DOCK2: variants seen among roughly 807,000 people sequenced by gnomAD.
DOCK2 encodes the protein dedicator of cytokinesis protein 2.
A neutral mutation model predicts 248.9 loss-of-function variants in DOCK2; 87 were observed. The observed-to-expected ratio is 0.35, with a 90% CI of 0.29 to 0.42. The LOEUF (loss-of-function observed/expected upper bound fraction) is 0.42, where lower values mean the gene tolerates loss of function less well. DOCK2 is among the 10% of genes least tolerant of loss of function. The probability of loss-of-function intolerance (pLI) is 1.00; values close to 1 mark genes in which losing one functional copy is unlikely to be tolerated. For missense variants in DOCK2, 1,747 were observed against 2,300.2 expected (o/e 0.76, Z 4.92); for synonymous variants, 805 against 821.6 (o/e 0.98, Z 0.35).
chr5:169,700,957 G>GAAAT (rs1322802096), intron 13 of DOCK2, among the ~76,000 whole-genome samples: 1 of 151,628 alleles, frequency 6.6e-6, no homozygotes, highest in Admixed American at 6.6e-5. Context: ...AAGAAAGAAA[G>GAAAT]AAAGAAAGAG....
chr5:170,080,225 C>A lies in DOCK2; in HGVS notation c.5229C>A (p.Leu1743=), dbSNP rs1581581232. The A allele has an allele frequency of 1.2e-6, 2 of 1,614,146 alleles. No homozygotes were observed. The highest frequency in any genetic ancestry group is 2.7e-5 in the African/African-American group (2 of 75,028). The change falls in exon 50 of 52, where the codon CTC becomes CTA. Residue 1743 remains leucine (L), a synonymous_variant. Coordinates refer to ENST00000520908, the MANE Select transcript of DOCK2 (RefSeq NM_004946.3). ...TNLSEHAAIP[L]KASVLSQMSF... ...TCTCGGAGCATGCGGCCATCCCCCT[C>A]AAGGCGTCTGTCCTCTCTCAAATGA...
chr5:169,955,763 G>C (rs1162785302), intron 27 of DOCK2, among the ~76,000 whole-genome samples: 2 of 152,144 alleles, frequency 1.3e-5, no homozygotes, highest in Admixed American at 6.5e-5. Flanking sequence ...TGGGCACTAA[G>C]AAATCCTGCC....
intron 25 of DOCK2, among the ~76,000 whole-genome samples, chr5:169,795,631 T>C (rs552860793): frequency 6.6e-6 from 1 of 152,332 alleles, no homozygotes; most frequent in East Asian, 1.9e-4. Context: ...CGTGATATGC[T>C]GGCTGGAGGA....
chr5:169,978,100 T>A (rs1777781470), intron 27 of DOCK2, among the ~76,000 whole-genome samples: 1 of 152,092 alleles, frequency 6.6e-6, no homozygotes. Context: ...TTTATTTTAT[T>A]TTGGTCGTGC....
At chr5:169,885,742 C>T (rs535976820) in intron 27 of DOCK2, among the ~76,000 whole-genome samples, 1 of 152,216 alleles carries the variant, frequency 6.6e-6, no homozygotes, top group South Asian at 2.1e-4. Context: ...TAATCACAAA[C>T]TACTCTATAA....
intron 41 of DOCK2, among the ~76,000 whole-genome samples, chr5:170,051,743 C>G (rs1256529046): frequency 6.6e-6 from 1 of 151,914 alleles, no homozygotes; most frequent in African/African-American, 2.4e-5. Context: ...GTGCCTGGTA[C>G]AAAGTGACTC....
intron 26 of DOCK2, among the ~76,000 whole-genome samples, chr5:169,835,759 A>T (rs1769537157): frequency 6.8e-6 from 1 of 146,158 alleles, no homozygotes; most frequent in South Asian, 2.2e-4. Flanking sequence ...GGGGGTTTGG[A>T]TTTTTTTTTT....
chr5:169,662,235 A>G (rs757997677), intron 2 of DOCK2, among the ~76,000 whole-genome samples: 5 of 152,194 alleles, frequency 3.3e-5, no homozygotes, highest in Admixed American at 1.3e-4. Flanking sequence ...CTTTCCATGT[A>G]TCTGTTGGCC....
chr5:169,883,673 G>A lies in DOCK2; in HGVS notation c.2799+42821G>A, dbSNP rs1012660943. Reference sequence around the variant, plus strand: ...GGGAAGGAGAGCGAGTAGGTGGGGGGAAGATGGTGCCTGGTTGCTTGAGTC... The same window carrying A: ...GGGAAGGAGAGCGAGTAGGTGGGGGAAAGATGGTGCCTGGTTGCTTGAGTC... On this transcript the variant is annotated intron_variant, in intron 27 of 51. Coordinates refer to ENST00000520908, the MANE Select transcript of DOCK2 (RefSeq NM_004946.3). 79 of 1,551,014 alleles carry A rather than the reference G, an allele frequency of 5.1e-5. No individual in the cohort carries two copies. The highest frequency in any genetic ancestry group is 6.7e-5 in the Non-Finnish European group (77 of 1,146,600).
chr5:169,787,661 T>A (rs953738817), intron 25 of DOCK2, among the ~76,000 whole-genome samples: 6 of 151,484 alleles, frequency 4.0e-5, no homozygotes, highest in Admixed American at 3.9e-4. Context: ...CCTCAGTCAG[T>A]CCTCATTCTT....
At chr5:169,971,647 C>T (rs1190626662) in intron 27 of DOCK2, among the ~76,000 whole-genome samples, 5 of 152,248 alleles carry the variant, frequency 3.3e-5, no homozygotes, top group African/African-American at 9.6e-5. Flanking sequence ...AATAGTACTC[C>T]CTTTATAGAA....
chr5:170,081,656 G>A, intron 50 of DOCK2, 186 bp from the exon 51 acceptor site: 3 of 682,066 alleles, frequency 4.4e-6, no homozygotes, highest in Non-Finnish European at 7.2e-6. Flanking sequence ...AATCTTCACT[G>A]CAAGAGGACA....
chr5:169,839,089 C>T (rs1005443802), intron 26 of DOCK2, among the ~76,000 whole-genome samples: 7 of 152,158 alleles, frequency 4.6e-5, no homozygotes, highest in African/African-American at 1.7e-4. Flanking sequence ...TGGTCATCCA[C>T]GTTTTCAGCC....
chr5:169,638,005 A>G (rs892144864), intron 1 of DOCK2, among the ~76,000 whole-genome samples: 2 of 152,160 alleles, frequency 1.3e-5, no homozygotes, highest in Non-Finnish European at 1.5e-5. Context: ...CTAAACTCCC[A>G]GAAGCCTCTG....
chr5:169,815,125 C>T (rs977912886), intron 26 of DOCK2, among the ~76,000 whole-genome samples: 2 of 152,176 alleles, frequency 1.3e-5, no homozygotes, highest in African/African-American at 4.8e-5. Context: ...CATCCCTAGC[C>T]ATGTGGTAAG....
chr5:169,946,446 A>C (rs1451541621), intron 27 of DOCK2, among the ~76,000 whole-genome samples: 2 of 152,202 alleles, frequency 1.3e-5, no homozygotes, highest in East Asian at 1.9e-4. Flanking sequence ...TTGGGAGGAA[A>C]GGGCAGGAGT....
Position 170,075,907 on chromosome 5 carries a change from C to T in DOCK2, c.4729-40C>T, listed in dbSNP as rs367723333. 68 of 1,608,854 alleles carry T rather than the reference C, an allele frequency of 4.2e-5. No homozygotes were observed. The African/African-American group carries it at 5.5e-4, about 13-fold the overall frequency. On this transcript the variant is annotated intron_variant, in intron 46 of 51. Coordinates refer to ENST00000520908, the MANE Select transcript of DOCK2 (RefSeq NM_004946.3). ...GGCGGGGTGCCAGGCTGAGGCCCAC[C>T]GGTCAGCCTCTGGCTCATTCTTTAC... is the stretch of plus-strand genomic sequence containing the variant.
intron 14 of DOCK2, among the ~76,000 whole-genome samples, chr5:169,707,427 CTG>C (rs1761332030): frequency 6.6e-6 from 1 of 152,240 alleles, no homozygotes; most frequent in African/African-American, 2.4e-5. Flanking sequence ...GATTCCTCAC[CTG>C]TCCTTGTGTC....
chr5:169,653,810 G>C (rs1316715744), intron 1 of DOCK2, among the ~76,000 whole-genome samples: 2 of 152,198 alleles, frequency 1.3e-5, no homozygotes, highest in African/African-American at 4.8e-5. Context: ...TCTACCATTT[G>C]GTTACTGGTT....
Sources: allele counts gnomAD v4.1 joint callset (sites outside exome capture counted in the v4.1 genomes callset), GRCh38; gene constraint gnomAD v4.1.1; transcripts MANE v1.5; gene names NCBI Gene and HGNC (gene_info 2026-07-23, HGNC 2026-07-21).